The following HTR2A variants were observed in gnomAD, a reference collection of about 807,000 sequenced individuals.
HTR2A encodes 5-HT2 receptor.
Under a neutral mutation model 31.0 loss-of-function variants are expected in HTR2A, and 14 were observed. The ratio of observed to expected loss-of-function variants is 0.45; its 90% CI spans 0.30 to 0.71. The LOEUF (loss-of-function observed/expected upper bound fraction) is 0.71, where lower values mean the gene tolerates loss of function less well. Among genes scored for constraint, HTR2A ranks in the 30% least tolerant of loss-of-function variants. The pLI is 0.09. For missense variants in HTR2A, 442 were observed against 573.3 expected, an observed-to-expected ratio of 0.77 and a Z score of 2.34; for synonymous variants, 209 against 225.2, an observed-to-expected ratio of 0.93 and a Z score of 0.64.
intron 3 of HTR2A, among the ~76,000 whole-genome samples, chr13:46,889,502 C>CT (rs1230662745): frequency 1.3e-5 from 2 of 151,978 alleles, no homozygotes; most frequent in African/African-American, 4.8e-5. Context: ...TTTAATAAAG[C>CT]TAGAAAAAGA....
At chr13:46,861,167 T>C (rs1950775791) in intron 3 of HTR2A, among the ~76,000 whole-genome samples, 1 of 152,146 alleles carries the variant, frequency 6.6e-6, no homozygotes, top group African/African-American at 2.4e-5. Flanking sequence ...GGAAAGCAGC[T>C]AGATTCAGAG....
intron 3 of HTR2A, chr13:46,856,064 C>T (rs1950734323): frequency 1.3e-5 from 2 of 152,238 alleles, no homozygotes; most frequent in African/African-American, 4.8e-5. Context: ...TACCCTGCTT[C>T]ATCCCTGGTT....
rs539688958 is a variant in HTR2A at position 46,835,821 on chromosome 13, G to A, written c.614-182C>T. Among the ~76,000 whole-genome samples, 4 of 152,198 alleles carry A rather than the reference G, an allele frequency of 2.6e-5. No individual in the cohort carries two copies. The East Asian group carries it at 7.7e-4, about 29-fold the overall frequency. ...GTGTTTTGTAAGTATATATTATGTAGTTACTTGTATGTTATATTGCCCTAT... is the reference window on the plus strand; with the variant it reads ...GTGTTTTGTAAGTATATATTATGTAATTACTTGTATGTTATATTGCCCTAT... On this transcript the variant is annotated intron_variant, in intron 3 of 3. Coordinates refer to ENST00000542664, the MANE Select transcript of HTR2A (RefSeq NM_000621.5).
intron 3 of HTR2A, among the ~76,000 whole-genome samples, chr13:46,838,761 C>T (rs576603639): frequency 3.3e-5 from 5 of 151,954 alleles, no homozygotes; most frequent in African/African-American, 7.2e-5. Flanking sequence ...AGATATCAAC[C>T]GTCCAAAAAA....
chr13:46,839,787 T>A (rs998624630), intron 3 of HTR2A, among the ~76,000 whole-genome samples: 1 of 152,174 alleles, frequency 6.6e-6, no homozygotes, highest in Non-Finnish European at 1.5e-5. Context: ...TTGGTTGGTG[T>A]CTTTCTTTCA....
chr13:46,843,152 A>G (rs1454179302), intron 3 of HTR2A, among the ~76,000 whole-genome samples: 1 of 152,178 alleles, frequency 6.6e-6, no homozygotes. Flanking sequence ...CTTGTGTTCA[A>G]GAAACCCTTA....
chr13:46,882,947 C>A (rs948251995), intron 3 of HTR2A, among the ~76,000 whole-genome samples: 1 of 152,140 alleles, frequency 6.6e-6, no homozygotes, highest in African/African-American at 2.4e-5. Flanking sequence ...CACCAGGAAC[C>A]TGAGACACAG....
At chr13:46,892,668 C>T (rs1951063390) in intron 2 of HTR2A, 78 bp from the exon 3 acceptor site, 1 of 1,257,346 alleles carries the variant, frequency 8.0e-7, no homozygotes. Context: ...ATGACAATTT[C>T]CAGCTCTGGG....
rs560730724 is a variant in HTR2A at position 46,853,875 on chromosome 13, T to C, written c.614-18236A>G. ...TATATGGACTTCATGACCGTCTATT[T>C]TCCCAGAGGTTTTTTGCAGTTTTTA... On this transcript the variant is annotated intron_variant, in intron 3 of 3. Transcript: ENST00000542664. 6.6e-5 allele frequency: 10 copies of C among 152,366 alleles called. No homozygotes were observed. In the East Asian group the frequency reaches 1.7e-3, roughly 26 times the overall value. The allele number at this position is 152,366 out of a possible 1,614,324, so 9.4% of individuals were successfully genotyped here. A position where few individuals can be genotyped will look rare whatever the true frequency, so the allele number is the denominator to read the frequency against.
rs576096436 is a variant in HTR2A, at chr13:46,890,778, C to T, written c.613+1612G>A. Among the ~76,000 whole-genome samples the T allele has an allele frequency of 7.2e-5, 11 of 152,100 alleles. 1 individual carries two copies. The highest frequency in any genetic ancestry group is 2.0e-4 in the Admixed American group (3 of 15,272). On this transcript the variant is annotated intron_variant, in intron 3 of 3. Transcript: ENST00000542664. ...GGGTAAAAATAAATAGCTTCATTTG[C>T]TCCCTCTGCATTAATCTTGATTCTC...
At chr13:46,874,385 G>A (rs766307342) in intron 3 of HTR2A, among the ~76,000 whole-genome samples, 15 of 152,162 alleles carry the variant, frequency 9.9e-5, no homozygotes, top group Non-Finnish European at 2.1e-4. Context: ...GGGCCTCTTA[G>A]GGGACCATGT....
At chr13:46,889,850 ATC>A (rs1566320248) in intron 3 of HTR2A, among the ~76,000 whole-genome samples, 1 of 152,234 alleles carries the variant, frequency 6.6e-6, no homozygotes, top group Admixed American at 6.5e-5. Context: ...CCTTCATTAG[ATC>A]TGCCTTTTTC....
chr13:46,864,960 G>C (rs1183566021), intron 3 of HTR2A, among the ~76,000 whole-genome samples: 1 of 151,412 alleles, frequency 6.6e-6, no homozygotes, highest in Non-Finnish European at 1.5e-5. Flanking sequence ...TTTTAGGTTG[G>C]AAGATGATTT....
chr13:46,855,070 C>T (rs1950722553), intron 3 of HTR2A, among the ~76,000 whole-genome samples: 1 of 152,156 alleles, frequency 6.6e-6, no homozygotes, highest in Admixed American at 6.5e-5. Context: ...AATGTCCCCC[C>T]AGAGCTAAGA....
At chr13:46,886,426 TG>T (rs1309076035) in intron 3 of HTR2A, among the ~76,000 whole-genome samples, 2 of 152,152 alleles carry the variant, frequency 1.3e-5, no homozygotes, top group African/African-American at 4.8e-5. Context: ...GTCACAAATG[TG>T]GGCAGGTCAA....
At chr13:46,858,613 GAAAT>G in intron 3 of HTR2A, among the ~76,000 whole-genome samples, 1 of 152,290 alleles carries the variant, frequency 6.6e-6, no homozygotes, top group East Asian at 1.9e-4. Flanking sequence ...ACTGGAAATG[GAAAT>G]AAATCAGACC....
In HTR2A at chr13:46,835,552, A is replaced by C. The variant is rs145933855; in HGVS notation, c.701T>G (p.Phe234Cys). ...EGSCLLADDN[F>C]VLIGSFVSFF... ...TGACACAAAAGAGCCGATCAGGACA[A>C]AGTTATCATCGGCGAGTAAGCAACT... The change falls in exon 4 of 4, where the codon TTT (phenylalanine) becomes TGT (cysteine). Residue 234 changes from phenylalanine to cysteine, a missense_variant. Coordinates refer to ENST00000542664, the MANE Select transcript of HTR2A (RefSeq NM_000621.5). The C allele has an allele frequency of 6.2e-7, 1 of 1,613,924 alleles. No homozygotes were observed. The highest frequency in any genetic ancestry group is 8.5e-7 in the Non-Finnish European group (1 of 1,179,924).
chr13:46,881,205 G>A (rs927026968), intron 3 of HTR2A, among the ~76,000 whole-genome samples: 2 of 152,168 alleles, frequency 1.3e-5, no homozygotes, highest in East Asian at 3.9e-4. Flanking sequence ...TTGCATCTGT[G>A]GGCAGAGGAG....
At chr13:46,883,506 C>T (rs78899290) in intron 3 of HTR2A, among the ~76,000 whole-genome samples, 3,159 of 152,168 alleles carry the variant, frequency 0.021, 103 homozygotes, top group African/African-American at 0.072. Flanking sequence ...TCTTTGGTTG[C>T]CTGTCAGAAT....
Sources: gnomAD v4.1 joint callset for allele counts (sites outside exome capture counted in the v4.1 genomes callset) on GRCh38, gnomAD v4.1.1 for gene constraint, MANE v1.5 for transcripts, NCBI Gene and HGNC (gene_info 2026-07-23, HGNC 2026-07-21) for gene names.